Variants in SLC44A1 observed in about 807,000 individuals in gnomAD.
The protein encoded by SLC44A1 is solute carrier family 44 member 1.
In SLC44A1, 26 loss-of-function variants were observed where a neutral mutation model predicts 79.3. That is an observed-to-expected ratio of 0.33 (90% CI 0.24 to 0.46). SLC44A1 has a LOEUF of 0.46. Ranked by LOEUF, SLC44A1 falls within the 20% of genes least tolerant of loss-of-function variation. The pLI is 1.00. For missense variants in SLC44A1, 688 were observed against 798.1 expected (o/e 0.86, Z 1.66); for synonymous variants, 263 against 286.2 (o/e 0.92, Z 0.82).
At chr9:105,399,746 TGAA>T (rs1828932448), downstream of SLC44A1, among the ~76,000 whole-genome samples, 1 of 91,078 alleles carries the variant, frequency 1.1e-5, no homozygotes, top group Non-Finnish European at 2.4e-5. Flanking sequence ...TTTATAATAG[TGAA>T]GAAAGCAGGG....
intron 15 of SLC44A1, among the ~76,000 whole-genome samples, chr9:105,426,892 C>T (rs1453060661): frequency 1.3e-5 from 2 of 151,196 alleles, no homozygotes; most frequent in African/African-American, 4.9e-5. Flanking sequence ...AAGGTAAAGA[C>T]AAGATACATA....
intron 2 of SLC44A1, among the ~76,000 whole-genome samples, chr9:105,304,355 A>G (rs954403433): frequency 2.0e-5 from 3 of 152,178 alleles, no homozygotes; most frequent in Non-Finnish European, 2.9e-5. Flanking sequence ...CCATAAGGTT[A>G]CCTGATCCAA....
At chr9:105,380,124 G>A (rs935499139) in intron 13 of SLC44A1, among the ~76,000 whole-genome samples, 3 of 152,162 alleles carry the variant, frequency 2.0e-5, no homozygotes, top group Non-Finnish European at 2.9e-5. Flanking sequence ...ACAATCGTGG[G>A]ATGTATGTAT....
chr9:105,293,210 C>T (rs1193110122), intron 1 of SLC44A1, among the ~76,000 whole-genome samples: 2 of 152,142 alleles, frequency 1.3e-5, no homozygotes, highest in Non-Finnish European at 2.9e-5. Context: ...TTGACTCTAA[C>T]CTTTTTATAG....
At chr9:105,338,462 T>A (rs752694198) in intron 4 of SLC44A1, among the ~76,000 whole-genome samples, 1 of 152,232 alleles carries the variant, frequency 6.6e-6, no homozygotes, top group Non-Finnish European at 1.5e-5. Flanking sequence ...TGGTCTAGGC[T>A]GTAGTACAGT....
chr9:105,307,409 C>T (rs976164881), intron 2 of SLC44A1, among the ~76,000 whole-genome samples: 3 of 152,018 alleles, frequency 2.0e-5, no homozygotes, highest in South Asian at 2.1e-4. Flanking sequence ...TTTGGGAGGC[C>T]GAGGCAGATG....
chr9:105,391,330 T>G lies in SLC44A1; in HGVS notation c.*2274T>G. 2 of 985,650 alleles carry G rather than the reference T, an allele frequency of 2.0e-6. No homozygotes were observed. The highest frequency in any genetic ancestry group is 2.4e-6 in the Non-Finnish European group (2 of 829,732). 61.1% of individuals were successfully genotyped at this position (985,650 alleles called of 1,614,324 possible). On this transcript the variant is annotated 3_prime_UTR_variant, in exon 16 of 16. Transcript: ENST00000374720. ...ACTGTAATCAGAAAGAAATTTTGTA[T>G]TTTTGTATAACTTGATTGTGTGCCA... is the stretch of plus-strand genomic sequence containing the variant.
chr9:105,389,471 G>A lies in SLC44A1; in HGVS notation c.*415G>A, dbSNP rs996144407. ...TTCAGGGGTAATTTCCCTGATGTCT[G>A]TATAAAATCAAGATCTTATTTTACT... On this transcript the variant is annotated 3_prime_UTR_variant, in exon 16 of 16. Transcript: ENST00000374720. 5 of 1,031,872 alleles carry A rather than the reference G, an allele frequency of 4.8e-6. No individual in the cohort carries two copies. The highest frequency in any genetic ancestry group is 5.8e-6 in the Non-Finnish European group (5 of 859,394). 63.9% of individuals were successfully genotyped at this position (1,031,872 alleles called of 1,614,324 possible). A position where few individuals can be genotyped will look rare whatever the true frequency, so the allele number is the denominator to read the frequency against.
chr9:105,383,730 C>T (rs183814204), intron 14 of SLC44A1, among the ~76,000 whole-genome samples: 1 of 152,204 alleles, frequency 6.6e-6, no homozygotes, highest in African/African-American at 2.4e-5. Flanking sequence ...TAGTGCCTAC[C>T]TGTCTTTCTC....
chr9:105,342,401 A>G (rs1225177229), intron 4 of SLC44A1, among the ~76,000 whole-genome samples: 1 of 152,140 alleles, frequency 6.6e-6, no homozygotes, highest in African/African-American at 2.4e-5. Context: ...CATAGCATAT[A>G]GAGGGTTTGG....
intron 15 of SLC44A1, among the ~76,000 whole-genome samples, chr9:105,402,857 G>A (rs1452701859): frequency 6.6e-6 from 1 of 151,846 alleles, no homozygotes; most frequent in Admixed American, 6.6e-5. Context: ...TTAACCCCAG[G>A]CTGGAGTGCA....
chr9:105,285,926 C>A (rs1454264599), intron 1 of SLC44A1, among the ~76,000 whole-genome samples: 3 of 152,116 alleles, frequency 2.0e-5, no homozygotes, highest in Non-Finnish European at 4.4e-5. Flanking sequence ...CATGATGAAA[C>A]CCCGTCTCTA....
chr9:105,318,163 T>C (rs1490557802), intron 3 of SLC44A1, among the ~76,000 whole-genome samples: 1 of 152,154 alleles, frequency 6.6e-6, no homozygotes, highest in Non-Finnish European at 1.5e-5. Flanking sequence ...ACTTATTGTA[T>C]TATTTATACA....
chr9:105,320,033 T>C (rs955534234), intron 3 of SLC44A1, among the ~76,000 whole-genome samples: 2 of 152,330 alleles, frequency 1.3e-5, no homozygotes, highest in Middle Eastern at 3.4e-3. Flanking sequence ...CCCATTCTTG[T>C]CCCTAGACAA....
chr9:105,327,698 T>C (rs556732769), intron 3 of SLC44A1, among the ~76,000 whole-genome samples: 23 of 152,332 alleles, frequency 1.5e-4, no homozygotes, highest in African/African-American at 4.3e-4. Flanking sequence ...GCTCTGTTCC[T>C]GCGCTGTTCC....
At chr9:105,297,477 G>A (rs1277659219) in intron 1 of SLC44A1, among the ~76,000 whole-genome samples, 1 of 152,110 alleles carries the variant, frequency 6.6e-6, no homozygotes, top group Non-Finnish European at 1.5e-5. Flanking sequence ...TCCGCCTCCC[G>A]GGTTCAAGCG....
rs527246067 is a variant in SLC44A1 at position 105,389,587 on chromosome 9, A to G, written c.*531A>G. 2.5e-5 allele frequency: 28 copies of G among 1,136,746 alleles called. 1 individual carries two copies. The South Asian group carries it at 9.4e-4, about 38-fold the overall frequency. 70.4% of individuals were successfully genotyped at this position (1,136,746 alleles called of 1,614,324 possible). A position where few individuals can be genotyped will look rare whatever the true frequency, so the allele number is the denominator to read the frequency against. On this transcript the variant is annotated 3_prime_UTR_variant, in exon 16 of 16. Transcript: ENST00000374720. ...TCAGTTTTCCCCAATCAAAGAAGCCATGTCATTTTACTTTTAGAAACATAC... is the reference window on the plus strand; with the variant it reads ...TCAGTTTTCCCCAATCAAAGAAGCCGTGTCATTTTACTTTTAGAAACATAC...
rs565193299 is a variant in SLC44A1, at chr9:105,314,996, C to T, written c.269+5130C>T. Among the ~76,000 whole-genome samples the T allele has an allele frequency of 1.7e-3, 259 of 152,308 alleles. 2 individuals carry two copies. The highest frequency in any genetic ancestry group is 4.9e-3 in the African/African-American group (205 of 41,564). On this transcript the variant is annotated intron_variant, in intron 3 of 15. Transcript: ENST00000374720. ...ATTCTCACCCTCAGTCGGTGCTCTT[C>T]GCATCATACACTAAAATAGATCTGG...
chr9:105,281,355 A>G (rs227887), intron 1 of SLC44A1, among the ~76,000 whole-genome samples: 36,372 of 152,074 alleles, frequency 0.24, 8,214 homozygotes, highest in African/African-American at 0.6. Flanking sequence ...CTCTTCCTTG[A>G]TAAGGTGCTT....
Sources: allele counts gnomAD v4.1 joint callset (sites outside exome capture counted in the v4.1 genomes callset), GRCh38; gene constraint gnomAD v4.1.1; transcripts MANE v1.5; gene names NCBI Gene and HGNC (gene_info 2026-07-23, HGNC 2026-07-21).